POU6F2: variants seen among roughly 807,000 people sequenced by gnomAD.
POU6F2 encodes POU class 6 homeobox 2.
Under a neutral mutation model 71.3 loss-of-function variants are expected in POU6F2, and 31 were observed. The ratio of observed to expected loss-of-function variants is 0.43; its 90% CI spans 0.33 to 0.59. The LOEUF (loss-of-function observed/expected upper bound fraction) is 0.59. POU6F2 is among the 20% of genes least tolerant of loss of function. POU6F2 has a pLI of 0.04. For missense variants in POU6F2, 783 were observed against 856.8 expected (o/e 0.91, Z 1.07); for synonymous variants, 347 against 355.7 (o/e 0.98, Z 0.27).
At chr7:39,387,962 T>C (rs1043277099) in intron 5 of POU6F2, among the ~76,000 whole-genome samples, 33 of 152,194 alleles carry the variant, frequency 2.2e-4, no homozygotes, top group African/African-American at 8.0e-4. Context: ...ACAAGGCCAC[T>C]TCATATCCTT....
chr7:39,153,170 T>A (rs899135945), intron 2 of POU6F2, among the ~76,000 whole-genome samples: 1 of 152,114 alleles, frequency 6.6e-6, no homozygotes, highest in African/African-American at 2.4e-5. Flanking sequence ...GCCAGTATAA[T>A]GTTGATGGAG....
chr7:39,173,663 T>C (rs978458735), intron 2 of POU6F2, among the ~76,000 whole-genome samples: 1 of 152,222 alleles, frequency 6.6e-6, no homozygotes, highest in African/African-American at 2.4e-5. Context: ...ACCCATAGCC[T>C]AGATGCCCAA....
chr7:39,062,831 C>T (rs9648065), intron 1 of POU6F2, among the ~76,000 whole-genome samples: 47,789 of 148,838 alleles, frequency 0.32, 8,237 homozygotes, highest in African/African-American at 0.46. Context: ...GAAGGAGGAT[C>T]GCTTGAGCCC....
chr7:39,105,741 C>T (rs77649804), intron 2 of POU6F2, among the ~76,000 whole-genome samples: 36 of 152,070 alleles, frequency 2.4e-4, no homozygotes, highest in African/African-American at 6.8e-4. Context: ...AGTGGCCAGA[C>T]GAAGAAGTTT....
Position 39,204,250 on chromosome 7 carries a change from C to A in POU6F2, c.293C>A (p.Pro98Gln). Residue 98 changes from proline (P) to glutamine (Q), a missense_variant, in exon 3 of 10, where the codon CCA becomes CAA. Coordinates refer to ENST00000518318, the MANE Select transcript of POU6F2 (RefSeq NM_001370959.1). ...PSKLFGARGN[P>Q]ALSDPGTPDQ... ...TGAATTCCAGGGGCTAGAGGAAACC[C>A]AGCATTATCAGACCCAGGCACTCCT... The A allele has an allele frequency of 6.2e-7, 1 of 1,613,648 alleles. No homozygotes were observed. Among genetic ancestry groups the A allele is most frequent in the Non-Finnish European group, 8.5e-7 (1 of 1,179,766 alleles).
At chr7:39,077,848 C>T (rs1051803781) in intron 1 of POU6F2, among the ~76,000 whole-genome samples, 3 of 152,144 alleles carry the variant, frequency 2.0e-5, no homozygotes, top group Non-Finnish European at 4.4e-5. Flanking sequence ...GTATAATTTG[C>T]CTAGGACATC....
At chr7:39,024,917 T>C (rs1584505714) in intron 1 of POU6F2, among the ~76,000 whole-genome samples, 2 of 152,210 alleles carry the variant, frequency 1.3e-5, no homozygotes, top group African/African-American at 4.8e-5. Flanking sequence ...CAGTATTTTA[T>C]TGAGGATTTT....
At chr7:39,142,250 C>T (rs544642354) in intron 2 of POU6F2, among the ~76,000 whole-genome samples, 1 of 152,336 alleles carries the variant, frequency 6.6e-6, no homozygotes, top group South Asian at 2.1e-4. Context: ...TTGTGGCTGG[C>T]AGCTGCACTG....
intron 4 of POU6F2, among the ~76,000 whole-genome samples, chr7:39,247,091 C>T (rs953941709): frequency 2.0e-5 from 3 of 152,022 alleles, no homozygotes; most frequent in African/African-American, 4.8e-5. Context: ...GGTCCAAGCT[C>T]TGTGCGTGGG....
intron 6 of POU6F2, among the ~76,000 whole-genome samples, chr7:39,427,980 C>G (rs769352269): frequency 3.9e-4 from 59 of 152,200 alleles, no homozygotes; most frequent in Non-Finnish European, 8.1e-4. Flanking sequence ...TGATTCATCT[C>G]TATTGACTAC....
intron 5 of POU6F2, among the ~76,000 whole-genome samples, chr7:39,340,703 G>C (rs1374407782): frequency 8.2e-6 from 1 of 121,852 alleles, no homozygotes. Context: ...GGCTAACCAT[G>C]AGAGCTCATC....
intron 6 of POU6F2, among the ~76,000 whole-genome samples, chr7:39,419,028 T>C (rs976350362): frequency 1.4e-5 from 2 of 147,008 alleles, no homozygotes; most frequent in African/African-American, 5.0e-5. Context: ...TATATATGTG[T>C]GTATATATAC....
At chr7:39,125,630 CAAGA>C (rs1482676956) in intron 2 of POU6F2, among the ~76,000 whole-genome samples, 2 of 151,904 alleles carry the variant, frequency 1.3e-5, no homozygotes, top group Admixed American at 6.6e-5. Context: ...AAAAAGAGAG[CAAGA>C]AAGAGAGAGG....
intron 1 of POU6F2, among the ~76,000 whole-genome samples, chr7:39,015,955 ATTG>A (rs1789511342): frequency 4.2e-5 from 4 of 94,748 alleles, no homozygotes; most frequent in African/African-American, 4.5e-5. Flanking sequence ...TATATTATAT[ATTG>A]TATATTGATA....
chr7:39,412,445 G>A (rs1373674209), intron 6 of POU6F2, among the ~76,000 whole-genome samples: 1 of 152,208 alleles, frequency 6.6e-6, no homozygotes, highest in East Asian at 1.9e-4. Flanking sequence ...TTCAGTGAGT[G>A]TTGAGTCCCT....
In POU6F2 at chr7:39,105,214, G is replaced by C. The variant is rs151079356; in HGVS notation, c.277+19183G>C. Among the ~76,000 whole-genome samples, 380 of 152,046 alleles carry C rather than the reference G, an allele frequency of 2.5e-3. 1 individual carries two copies. Among genetic ancestry groups the C allele is most frequent in the Non-Finnish European group, 4.4e-3 (301 of 67,978 alleles). ...TATTAAGCTCAATACATTTCTCTTT[G>C]GTAATAACAGACAGAAATTTCTGTT... On this transcript the variant is annotated intron_variant, in intron 2 of 9. Coordinates refer to ENST00000518318, the MANE Select transcript of POU6F2 (RefSeq NM_001370959.1).
chr7:39,335,838 T>C (rs1484183845), intron 4 of POU6F2, among the ~76,000 whole-genome samples: 1 of 152,208 alleles, frequency 6.6e-6, no homozygotes, highest in Admixed American at 6.5e-5. Context: ...TGGGGTCTTG[T>C]GTGCACCTGA....
intron 5 of POU6F2, among the ~76,000 whole-genome samples, chr7:39,355,987 C>A (rs1191572324): frequency 6.6e-6 from 1 of 152,008 alleles, no homozygotes; most frequent in African/African-American, 2.4e-5. Flanking sequence ...GTCCACAGGC[C>A]CCTGGTCAGA....
chr7:39,424,066 C>G lies in POU6F2; in HGVS notation c.1114-9011C>G, dbSNP rs186111621. The stretch of plus-strand genomic sequence containing the variant: ...TTCAGTGTTCAGTGAGGACCCACTT[C>G]CTGGTCACAGACAGCTATCTTCTTG... On this transcript the variant is annotated intron_variant, in intron 6 of 9. Transcript: ENST00000518318. Among the ~76,000 whole-genome samples, 534 of 152,328 alleles carry G rather than the reference C, an allele frequency of 3.5e-3. 6 individuals carry two copies. The highest frequency in any genetic ancestry group is 0.011 in the South Asian group (52 of 4,830).
Sources: gnomAD v4.1 joint callset for allele counts (sites outside exome capture counted in the v4.1 genomes callset) on GRCh38, gnomAD v4.1.1 for gene constraint, MANE v1.5 for transcripts, NCBI Gene and HGNC (gene_info 2026-07-23, HGNC 2026-07-21) for gene names.